Variants in TRAPPC9 observed in about 807,000 individuals in gnomAD.
TRAPPC9 encodes IKK2 binding protein.
TRAPPC9 carries 83 observed loss-of-function variants against 124.0 expected under a neutral mutation model. The observed-to-expected ratio is 0.67, with a 90% CI of 0.56 to 0.80. The LOEUF (loss-of-function observed/expected upper bound fraction) is 0.80, where lower values mean the gene tolerates loss of function less well. Ranked by LOEUF, TRAPPC9 falls within the 30% of genes least tolerant of loss-of-function variation. TRAPPC9 has a pLI of 0.00. For synonymous variants in TRAPPC9, 638 were observed against 617.5 expected, an observed-to-expected ratio of 1.03 and a Z score of -0.49; for missense variants, 1,302 against 1,508.3, an observed-to-expected ratio of 0.86 and a Z score of 2.27.
At chr8:139,785,440 G>A (rs150866110) in intron 21 of TRAPPC9, among the ~76,000 whole-genome samples, 1 of 152,120 alleles carries the variant, frequency 6.6e-6, no homozygotes, top group East Asian at 1.9e-4. Context: ...GCTCACACCT[G>A]TAATCCCAGC....
chr8:140,260,981 C>T (rs1438769640), intron 15 of TRAPPC9, among the ~76,000 whole-genome samples: 1 of 152,220 alleles, frequency 6.6e-6, no homozygotes, highest in Non-Finnish European at 1.5e-5. Context: ...GCTCTAGGGT[C>T]AGACACACGT....
chr8:140,346,069 A>G (rs549972649), intron 9 of TRAPPC9, among the ~76,000 whole-genome samples: 1 of 152,222 alleles, frequency 6.6e-6, no homozygotes, highest in Non-Finnish European at 1.5e-5. Flanking sequence ...AACACATCCT[A>G]GTGTTCAAAG....
At chr8:140,057,078 CAT>C (rs1842327977) in intron 17 of TRAPPC9, among the ~76,000 whole-genome samples, 1 of 152,094 alleles carries the variant, frequency 6.6e-6, no homozygotes, top group Admixed American at 6.5e-5. Context: ...TGTCAACAAA[CAT>C]ATGAAAAGAT....
intron 7 of TRAPPC9, among the ~76,000 whole-genome samples, chr8:140,386,693 C>T (rs1357526307): frequency 6.6e-6 from 1 of 152,146 alleles, no homozygotes; most frequent in African/African-American, 2.4e-5. Context: ...AAGAACATTC[C>T]ATGTTCACAG....
At chr8:139,767,528 T>A (rs1457428944) in intron 21 of TRAPPC9, among the ~76,000 whole-genome samples, 1 of 152,060 alleles carries the variant, frequency 6.6e-6, no homozygotes, top group South Asian at 2.1e-4. Context: ...AGGAGGAACA[T>A]GCTGGCAGGT....
At chr8:140,239,414 G>C (rs1226968641) in intron 16 of TRAPPC9, among the ~76,000 whole-genome samples, 1 of 152,208 alleles carries the variant, frequency 6.6e-6, no homozygotes, top group South Asian at 2.1e-4. Flanking sequence ...ACAGAGAGCT[G>C]CTTCTGAGGC....
intron 19 of TRAPPC9, among the ~76,000 whole-genome samples, chr8:139,948,052 TG>T (rs1472985762): frequency 1.3e-5 from 2 of 151,308 alleles, no homozygotes; most frequent in Non-Finnish European, 1.5e-5. Flanking sequence ...GGAACATTAC[TG>T]ACCCACCCTG....
intron 9 of TRAPPC9, among the ~76,000 whole-genome samples, chr8:140,314,511 T>C (rs775381777): frequency 2.6e-5 from 4 of 152,210 alleles, no homozygotes; most frequent in African/African-American, 4.8e-5. Flanking sequence ...TTGTGAACTA[T>C]AGTCACCCAA....
intron 19 of TRAPPC9, among the ~76,000 whole-genome samples, chr8:139,950,843 C>T (rs1445033640): frequency 6.6e-6 from 1 of 152,218 alleles, no homozygotes; most frequent in East Asian, 1.9e-4. Context: ...TAAGTGAACA[C>T]CAGCTCCGAA....
chr8:139,756,430 G>C (rs1392594911), intron 21 of TRAPPC9, among the ~76,000 whole-genome samples: 5 of 130,720 alleles, frequency 3.8e-5, no homozygotes, highest in East Asian at 2.4e-4. Context: ...AGGAGCCAGG[G>C]TTTGGGGATG....
rs547087308 is a variant in TRAPPC9, at chr8:140,128,462, G to A, written c.2556+92997C>T. ...GTGACTAATGGTCTGAGGTTAATGAGCGGCTAAAGGCCAAGGGTGGGGACA... is the reference window on the plus strand; with the variant it reads ...GTGACTAATGGTCTGAGGTTAATGAACGGCTAAAGGCCAAGGGTGGGGACA... On this transcript the variant is annotated intron_variant, in intron 17 of 22. Coordinates refer to ENST00000438773, the MANE Select transcript of TRAPPC9 (RefSeq NM_001160372.4). 8.5e-5 allele frequency among the ~76,000 whole-genome samples: 13 copies of A among 152,350 alleles called. No homozygotes were observed. In the South Asian group the frequency reaches 2.7e-3, roughly 32 times the overall value.
Position 140,340,208 on chromosome 8 carries a change from G to A in TRAPPC9, c.1495+19842C>T, listed in dbSNP as rs553888606. Among the ~76,000 whole-genome samples the A allele has an allele frequency of 7.9e-5, 12 of 152,302 alleles. No homozygotes were observed. In the East Asian group the frequency reaches 2.3e-3, roughly 29 times the overall value. ...AAGATTAGAGTCAGAGTCAGACACAGTCAAAAATAAAGGCTCCCCCATCTG... is the reference window on the plus strand; with the variant it reads ...AAGATTAGAGTCAGAGTCAGACACAATCAAAAATAAAGGCTCCCCCATCTG... On this transcript the variant is annotated intron_variant, in intron 9 of 22. Transcript: ENST00000438773.
intron 4 of TRAPPC9, among the ~76,000 whole-genome samples, chr8:140,431,518 G>A (rs570799119): frequency 6.0e-4 from 91 of 152,070 alleles, no homozygotes; most frequent in African/African-American, 1.5e-3. Flanking sequence ...CTCTCTTCAC[G>A]AAAACATTTT....
At chr8:139,860,476 C>CA (rs1828058531) in intron 21 of TRAPPC9, among the ~76,000 whole-genome samples, 1 of 152,232 alleles carries the variant, frequency 6.6e-6, no homozygotes, top group Non-Finnish European at 1.5e-5. Context: ...CCCCCAATGC[C>CA]AGGATCTAGG....
intron 17 of TRAPPC9, among the ~76,000 whole-genome samples, chr8:140,039,332 C>A (rs1841114917): frequency 6.6e-6 from 1 of 152,214 alleles, no homozygotes; most frequent in Non-Finnish European, 1.5e-5. Context: ...TCACAGAGGA[C>A]ACTTTCTTGT....
intron 15 of TRAPPC9, among the ~76,000 whole-genome samples, chr8:140,255,017 C>A (rs1259544215): frequency 6.6e-6 from 1 of 152,220 alleles, no homozygotes; most frequent in African/African-American, 2.4e-5. Context: ...ACAAACTGAG[C>A]TGCAAAATAA....
intron 18 of TRAPPC9, among the ~76,000 whole-genome samples, chr8:140,014,902 A>C (rs1839366276): frequency 6.6e-6 from 1 of 152,204 alleles, no homozygotes; most frequent in Admixed American, 6.5e-5. Flanking sequence ...CAGGCCGTGA[A>C]TAAATAGGAC....
At chr8:139,860,576 C>A (rs1828064827) in intron 21 of TRAPPC9, among the ~76,000 whole-genome samples, 2 of 152,106 alleles carry the variant, frequency 1.3e-5, no homozygotes, top group African/African-American at 4.8e-5. Context: ...ACAAACCAGG[C>A]CTGGAGCTCA....
intron 7 of TRAPPC9, among the ~76,000 whole-genome samples, chr8:140,371,892 G>A (rs1223888891): frequency 6.6e-6 from 1 of 152,052 alleles, no homozygotes; most frequent in African/African-American, 2.4e-5. Flanking sequence ...CAGTAGAGAC[G>A]GGATTTCACC....
Sources: allele counts gnomAD v4.1 joint callset (sites outside exome capture counted in the v4.1 genomes callset), GRCh38; gene constraint gnomAD v4.1.1; transcripts MANE v1.5; gene names NCBI Gene and HGNC (gene_info 2026-07-23, HGNC 2026-07-21).